The following SRSF6 variants were observed in gnomAD, a reference collection of about 807,000 sequenced individuals.
SRSF6 encodes serine/arginine-rich splicing factor 6.
Under a neutral mutation model 42.0 loss-of-function variants are expected in SRSF6, and 17 were observed. The observed-to-expected ratio is 0.40, with a 90% confidence interval of 0.28 to 0.61. The LOEUF (loss-of-function observed/expected upper bound fraction) is 0.61, where lower values mean the gene tolerates loss of function less well. Ranked by LOEUF, SRSF6 falls within the 20% of genes least tolerant of loss-of-function variation. The pLI, the probability that SRSF6 is intolerant of heterozygous loss-of-function variation, is 0.37. For synonymous variants in SRSF6, 204 were observed against 166.7 expected (o/e 1.22, Z -1.72); for missense variants, 379 against 471.4 (o/e 0.80, Z 1.81).
At position 43,462,814 on chromosome 20, in the gene SRSF6, C is replaced by CT. The variant is rs1230857907; in HGVS notation, c.*1754dup. 3 of 152,502 alleles carry CT rather than the reference C, an allele frequency of 2.0e-5. No homozygotes were observed. Among genetic ancestry groups the CT allele is most frequent in the Non-Finnish European group, 4.4e-5 (3 of 68,022 alleles). The allele number at this position is 152,502 out of a possible 1,614,324, so 9.4% of individuals were successfully genotyped here. ...TTCCATTATCTTATTTTCTTTGATACTTTATTTAATTAGATGTTTATAAAG... is the reference window on the plus strand; with the variant it reads ...TTCCATTATCTTATTTTCTTTGATACTTTTATTTAATTAGATGTTTATAAAG... On this transcript the variant is annotated 3_prime_UTR_variant, in exon 6 of 6. Coordinates refer to ENST00000244020, the MANE Select transcript of SRSF6 (RefSeq NM_006275.6).
chr20:43,459,451 T>A, intron 2 of SRSF6: 3 of 1,249,210 alleles, frequency 2.4e-6, no homozygotes, highest in Non-Finnish European at 3.1e-6. Flanking sequence ...TAGTAAACAT[T>A]TTTGTAAAAT....
At position 43,460,969 on chromosome 20, in the gene SRSF6, C is replaced by G; in HGVS notation, c.941C>G (p.Ser314Cys). 2.4e-5 allele frequency: 38 copies of G among 1,614,142 alleles called. No individual in the cohort carries two copies. Among genetic ancestry groups the G allele is most frequent in the Non-Finnish European group, 3.2e-5 (38 of 1,180,010 alleles). ...CCTGTTCCACCCTCAAAGGCCCGTT[C>G]TGTGTCCCCTCCACCAAAAAGAGCT... ...PLPVPPSKAR[S>C]VSPPPKRATS... Residue 314 changes from serine (S) to cysteine (C), a missense_variant, in exon 6 of 6, where the codon TCT becomes TGT. Coordinates refer to ENST00000244020, the MANE Select transcript of SRSF6 (RefSeq NM_006275.6).
Position 43,458,371 on chromosome 20 carries a change from G to C in SRSF6, c.118G>C (p.Val40Leu). The C allele has an allele frequency of 6.4e-7, 1 of 1,559,724 alleles. No homozygotes were observed. Among genetic ancestry groups the C allele is most frequent in the Non-Finnish European group, 8.6e-7 (1 of 1,157,632 alleles). The change falls in exon 2 of 6, where the codon GTG becomes CTG. Residue 40 changes from valine (V) to leucine (L), a missense_variant. Physicochemically the swap from Val to Leu is conservative, Grantham distance 32. Around this residue, in one of 3 missense-constraint regions of SRSF6, gnomAD observed 117 missense variants for 146.8 expected, o/e 0.80. Coordinates refer to ENST00000244020, the MANE Select transcript of SRSF6 (RefSeq NM_006275.6). Reference protein sequence around the residue: ...EVDLKNGYGFVEFEDSRDADD... With the variant: ...EVDLKNGYGFLEFEDSRDADD... ...TCGCACCGCCCCTAGGTACGGCTTC[G>C]TGGAGTTCGAGGACTCCCGCGACGC... is the stretch of plus-strand genomic sequence containing the variant.
intron 2 of SRSF6, chr20:43,459,485 A>T: frequency 7.8e-7 from 1 of 1,282,690 alleles, no homozygotes; most frequent in South Asian, 1.5e-5. Context: ...TAATCAGTTA[A>T]GTTTTATATT....
In SRSF6 at chr20:43,462,428, T is replaced by G. The variant is rs2017619070; in HGVS notation, c.*1365T>G. The stretch of plus-strand genomic sequence containing the variant: ...CTTTATTTAAAAGCATTTATTAATC[T>G]TAGTCTGAAATCAAAATATAGATTA... On this transcript the variant is annotated 3_prime_UTR_variant, in exon 6 of 6. Transcript: ENST00000244020. The G allele has an allele frequency of 6.6e-6, 1 of 152,232 alleles. No individual in the cohort carries two copies. Among genetic ancestry groups the G allele is most frequent in the Admixed American group, 6.5e-5 (1 of 15,276 alleles). 9.4% of individuals were successfully genotyped at this position (152,232 alleles called of 1,614,324 possible). A position where few individuals can be genotyped will look rare whatever the true frequency, so the allele number is the denominator to read the frequency against.
intron 2 of SRSF6, chr20:43,459,015 T>A (rs1191125270): frequency 3.2e-6 from 2 of 629,878 alleles, no homozygotes; most frequent in Non-Finnish European, 4.9e-6. Context: ...ATAAGCTTTA[T>A]GCTGTATTTG....
Position 43,458,120 on chromosome 20 carries a change from C to A in SRSF6, c.87C>A (p.Leu29=). 1 of 1,613,208 alleles carries A rather than the reference C, an allele frequency of 6.2e-7. No individual in the cohort carries two copies. Among genetic ancestry groups the A allele is most frequent in the Non-Finnish European group, 8.5e-7 (1 of 1,179,560 alleles). The change falls in exon 1 of 6, where the codon CTC becomes CTA. Residue 29 remains leucine (L), a synonymous_variant. Transcript: ENST00000244020. Reference sequence around the variant, plus strand: ...TTTTCAGTGGCTATGGCCGCCTCCTCGAAGTAGACCTCAAAAATGGGTGAG... The same window carrying A: ...TTTTCAGTGGCTATGGCCGCCTCCTAGAAGTAGACCTCAAAAATGGGTGAG... ...QRFFSGYGRL[L]EVDLKNGYGF...
intron 2 of SRSF6, 104 bp from the exon 3 acceptor site, chr20:43,459,667 T>A (rs1245172230): frequency 7.7e-6 from 12 of 1,557,190 alleles, no homozygotes; most frequent in Non-Finnish European, 1.1e-5. Context: ...AATAGCAAAG[T>A]CCTACTCCAG....
At position 43,460,783 on chromosome 20, in the gene SRSF6, A is replaced by G. The variant is rs776682450; in HGVS notation, c.755A>G (p.Lys252Arg). The G allele has an allele frequency of 2.5e-6, 4 of 1,614,102 alleles. No homozygotes were observed. Among genetic ancestry groups the G allele is most frequent in the African/African-American group, 1.3e-5 (1 of 74,950 alleles). ...AGATCAAAGAGCAAATCTAAGCCCA[A>G]GTCTGATCGGGGCTCCCATTCACAT... ...KSRSKSKSKP[K>R]SDRGSHSHSR... The change falls in exon 6 of 6, where the codon AAG becomes AGG. Residue 252 changes from lysine (K) to arginine (R), a missense_variant. Physicochemically the swap from Lys to Arg is conservative, Grantham distance 26. Coordinates refer to ENST00000244020, the MANE Select transcript of SRSF6 (RefSeq NM_006275.6).
Position 43,461,647 on chromosome 20 carries a change from A to G in SRSF6, c.*584A>G, listed in dbSNP as rs1384180321. 1 of 152,642 alleles carries G rather than the reference A, an allele frequency of 6.6e-6. No homozygotes were observed. Among genetic ancestry groups the G allele is most frequent in the East Asian group, 1.9e-4 (1 of 5,204 alleles). The allele number at this position is 152,642 out of a possible 1,614,324, so 9.5% of individuals were successfully genotyped here. A position where few individuals can be genotyped will look rare whatever the true frequency, so the allele number is the denominator to read the frequency against. On this transcript the variant is annotated 3_prime_UTR_variant, in exon 6 of 6. Transcript: ENST00000244020. Reference sequence around the variant, plus strand: ...ACGTAAATTCTACTTAAGTGTAAACAAGGCAAGCCTCAGACCAGCAATAAA... The same window carrying G: ...ACGTAAATTCTACTTAAGTGTAAACGAGGCAAGCCTCAGACCAGCAATAAA...
In SRSF6 at chr20:43,458,373, G is replaced by A. The variant is rs2017533485; in HGVS notation, c.120G>A (p.Val40=). The A allele has an allele frequency of 6.4e-7, 1 of 1,561,540 alleles. No homozygotes were observed. The highest frequency in any genetic ancestry group is 1.4e-5 in the African/African-American group (1 of 70,058). ...GCACCGCCCCTAGGTACGGCTTCGT[G>A]GAGTTCGAGGACTCCCGCGACGCCG... The part of the protein sequence containing the change: ...EVDLKNGYGF[V]EFEDSRDADD... Residue 40 remains valine, a synonymous_variant, in exon 2 of 6, where the codon GTG becomes GTA. Coordinates refer to ENST00000244020, the MANE Select transcript of SRSF6 (RefSeq NM_006275.6).
chr20:43,457,995 G>C lies in SRSF6; in HGVS notation c.-39G>C. 6.4e-7 allele frequency: 1 copy of C among 1,560,382 alleles called. No homozygotes were observed. Among genetic ancestry groups the C allele is most frequent in the Non-Finnish European group, 8.7e-7 (1 of 1,144,176 alleles). The stretch of plus-strand genomic sequence containing the variant: ...CGCGGTTACTGGCTTGCGGTCCGCC[G>C]TTCGACAACCAGCCCTTGGGTCCCC... On this transcript the variant is annotated 5_prime_UTR_variant, in exon 1 of 6. Coordinates refer to ENST00000244020, the MANE Select transcript of SRSF6 (RefSeq NM_006275.6).
Position 43,462,944 on chromosome 20 carries a change from TA to T in SRSF6, c.*1886del, listed in dbSNP as rs2017628745. ...CCTACTCAGCAGAAGTGATGACTCT[TA>T]AAAATTGGCTTTGACCAAAGTTCTC... is the stretch of plus-strand genomic sequence containing the variant. On this transcript the variant is annotated 3_prime_UTR_variant, in exon 6 of 6. Transcript: ENST00000244020. 1 of 152,678 alleles carries T rather than the reference TA, an allele frequency of 6.5e-6. No individual in the cohort carries two copies. Among genetic ancestry groups the T allele is most frequent in the Non-Finnish European group, 1.5e-5 (1 of 68,034 alleles). The allele number at this position is 152,678 out of a possible 1,614,324, so 9.5% of individuals were successfully genotyped here. A position where few individuals can be genotyped will look rare whatever the true frequency, so the allele number is the denominator to read the frequency against.
intron 2 of SRSF6, chr20:43,459,528 G>C: frequency 7.5e-7 from 1 of 1,334,698 alleles, no homozygotes; most frequent in South Asian, 1.6e-5. Flanking sequence ...ACTTAGCGAG[G>C]TAAATCGAAT....
At chr20:43,459,492 T>C in intron 2 of SRSF6, 1 of 1,291,512 alleles carries the variant, frequency 7.7e-7, no homozygotes, top group Non-Finnish European at 9.9e-7. Context: ...TTAAGTTTTA[T>C]ATTTTACAAT....
At position 43,460,973 on chromosome 20, in the gene SRSF6, G is replaced by A. The variant is rs755616013; in HGVS notation, c.945G>A (p.Val315=). The A allele has an allele frequency of 4.8e-5, 78 of 1,613,886 alleles. 1 individual carries two copies. In the Middle Eastern group the frequency reaches 4.9e-4, roughly 10 times the overall value. The change falls in exon 6 of 6, where the codon GTG becomes GTA. Residue 315 remains valine (V), a synonymous_variant. Coordinates refer to ENST00000244020, the MANE Select transcript of SRSF6 (RefSeq NM_006275.6). The part of the protein sequence containing the change: ...LPVPPSKARS[V]SPPPKRATSR... The stretch of plus-strand genomic sequence containing the variant: ...TTCCACCCTCAAAGGCCCGTTCTGT[G>A]TCCCCTCCACCAAAAAGAGCTACTT...
intron 4 of SRSF6, 126 bp from the exon 5 acceptor site, chr20:43,460,389 T>C: frequency 8.1e-7 from 1 of 1,237,810 alleles, no homozygotes. Context: ...TCTGGATGTT[T>C]TGAACAGTGT....
intron 2 of SRSF6, among the ~76,000 whole-genome samples, chr20:43,458,856 G>T (rs2145321933): frequency 6.7e-6 from 1 of 148,752 alleles, no homozygotes; most frequent in South Asian, 2.2e-4. Flanking sequence ...AGGTTCGGGG[G>T]CAGGCTCGGG....
intron 2 of SRSF6, chr20:43,459,366 CTG>C (rs2017548690): frequency 1.5e-6 from 2 of 1,344,474 alleles, no homozygotes; most frequent in African/African-American, 3.0e-5. Context: ...AACTAGGTGA[CTG>C]TTACCTTGCG....
Sources: gnomAD v4.1 joint callset for allele counts (sites outside exome capture counted in the v4.1 genomes callset) on GRCh38, gnomAD v4.1.1 for gene constraint, gnomAD v4.1.1 regional missense constraint, MANE v1.5 for transcripts, NCBI Gene and HGNC (gene_info 2026-07-23, HGNC 2026-07-21) for gene names.